The following IKBKE variants were observed in gnomAD, a reference collection of about 807,000 sequenced individuals.
IKBKE encodes the protein inhibitor of nuclear factor kappa B kinase subunit epsilon.
In IKBKE, 45 loss-of-function variants were observed where a neutral mutation model predicts 92.1. That is an observed-to-expected ratio of 0.49 (90% CI 0.38 to 0.63). IKBKE has a LOEUF of 0.63. Among genes scored for constraint, IKBKE ranks in the 20% least tolerant of loss-of-function variants. IKBKE has a pLI of 0.00. For missense variants in IKBKE, 700 were observed against 932.8 expected (o/e 0.75, Z 3.25); for synonymous variants, 374 against 380.3 (o/e 0.98, Z 0.19).
At position 206,476,891 on chromosome 1, in the gene IKBKE, T is replaced by C. The variant is rs542030758; in HGVS notation, c.701+53T>C. 2 of 1,594,346 alleles carry C rather than the reference T, an allele frequency of 1.3e-6. No individual in the cohort carries two copies. Among genetic ancestry groups the C allele is most frequent in the East Asian group, 2.2e-5 (1 of 44,618 alleles). ...GGGCGGACTGGCAGTCCCCTGGCCC[T>C]TCCCCCACCGGTCCTTGCTGTGTCT... is the stretch of plus-strand genomic sequence containing the variant. On this transcript the variant is annotated intron_variant, in intron 7 of 21. Coordinates refer to ENST00000581977, the MANE Select transcript of IKBKE (RefSeq NM_014002.4). The surrounding 1 kb of genome is among the most constrained non-coding windows in gnomAD (Gnocchi z 5.1).
At chr1:206,489,284 C>CAT (rs1377125605) in intron 16 of IKBKE, among the ~76,000 whole-genome samples, 6 of 146,756 alleles carry the variant, frequency 4.1e-5, no homozygotes, top group African/African-American at 1.5e-4. Flanking sequence ...ATATTATTCA[C>CAT]ATATATATAA....
intron 7 of IKBKE, 67 bp from the exon 8 acceptor site, chr1:206,477,682 C>A: frequency 2.1e-6 from 2 of 945,440 alleles, no homozygotes; most frequent in Non-Finnish European, 3.3e-6. Flanking sequence ...GCCCTTTGTG[C>A]TGAGTGTGTC....
chr1:206,474,522 C>A (rs781930195), intron 4 of IKBKE, 51 bp downstream of exon 4: 44 of 1,538,264 alleles, frequency 2.9e-5, no homozygotes, highest in Non-Finnish European at 3.6e-5. Context: ...CCCTTATGGT[C>A]TGGGGAGAAT....
intron 13 of IKBKE, among the ~76,000 whole-genome samples, chr1:206,481,969 C>T (rs1027273601): frequency 6.6e-6 from 1 of 151,496 alleles, no homozygotes; most frequent in Non-Finnish European, 1.5e-5. Context: ...TTAGTAGAGA[C>T]GGGGTTTCAC....
At chr1:206,477,584 G>A (rs1665137703) in intron 7 of IKBKE, among the ~76,000 whole-genome samples, 165 bp from the exon 8 acceptor site, 1 of 152,210 alleles carries the variant, frequency 6.6e-6, no homozygotes, top group Non-Finnish European at 1.5e-5. Flanking sequence ...GCTGAGGCAA[G>A]GCGCTCTCAC....
intron 13 of IKBKE, among the ~76,000 whole-genome samples, chr1:206,484,733 C>T (rs1230412451): frequency 6.6e-6 from 1 of 152,180 alleles, no homozygotes; most frequent in Non-Finnish European, 1.5e-5. Context: ...GCATCATGGG[C>T]CCGTGAATTT....
chr1:206,481,096 A>G (rs1665361446), intron 13 of IKBKE, among the ~76,000 whole-genome samples: 1 of 152,152 alleles, frequency 6.6e-6, no homozygotes, highest in Admixed American at 6.5e-5. Flanking sequence ...AAAGAGAGAG[A>G]CCGGGCAGGA....
chr1:206,475,602 T>C (rs1553385045), intron 5 of IKBKE, among the ~76,000 whole-genome samples: 1 of 152,028 alleles, frequency 6.6e-6, no homozygotes, highest in African/African-American at 2.4e-5. Context: ...CTGGGTGTGG[T>C]GGTGCATGCC....
chr1:206,471,756 GTTGACCACCGATCTC>G (rs1305369225), intron 2 of IKBKE, among the ~76,000 whole-genome samples: 1 of 152,184 alleles, frequency 6.6e-6, no homozygotes, highest in Non-Finnish European at 1.5e-5. Flanking sequence ...GAAACTAGGA[GTTGACCACCGATCTC>G]TTCAAGGGGC....
chr1:206,482,482 C>T (rs1665457630), intron 13 of IKBKE, among the ~76,000 whole-genome samples: 1 of 152,220 alleles, frequency 6.6e-6, no homozygotes, highest in Non-Finnish European at 1.5e-5. Context: ...ATCCTGGTGT[C>T]CGCTGGCTGC....
In IKBKE at chr1:206,490,488, G is replaced by C. The variant is rs972002634; in HGVS notation, c.1694-331G>C. Among the ~76,000 whole-genome samples, 1 of 152,168 alleles carries C rather than the reference G, an allele frequency of 6.6e-6. No individual in the cohort carries two copies. The highest frequency in any genetic ancestry group is 1.9e-4 in the East Asian group (1 of 5,192). On this transcript the variant is annotated intron_variant, in intron 16 of 21. Transcript: ENST00000581977. This position sits in a 1 kb window ranked among gnomAD's most constrained non-coding sequence, Gnocchi z 5.2. ...GGAGGGTGCTGGATAAGGGGCTATGGTTGACCGAGCCTCCTTCTAAGCCCA... is the reference window on the plus strand; with the variant it reads ...GGAGGGTGCTGGATAAGGGGCTATGCTTGACCGAGCCTCCTTCTAAGCCCA...
intron 20 of IKBKE, 136 bp from the exon 21 acceptor site, chr1:206,493,784 G>A (rs928844159): frequency 1.1e-5 from 7 of 648,316 alleles, no homozygotes; most frequent in Middle Eastern, 3.5e-4. Context: ...GCAAGACTCC[G>A]TCTCAAATAA....
At position 206,476,819 on chromosome 1, in the gene IKBKE, C is replaced by T. The variant is rs1665090142; in HGVS notation, c.682C>T (p.Arg228Trp). ...GCCCTTCATCCCCTTTGGTGGGCCA[C>T]GGCGGAACAAGGAGATCATGTACGG... ...SLPFIPFGGP[R>W]RNKEIMYRIT... is the part of the protein sequence containing the mutation. Residue 228 changes from arginine (R) to tryptophan (W), a missense_variant, in exon 7 of 22, where the codon CGG (arginine) becomes TGG (tryptophan). Coordinates refer to ENST00000581977, the MANE Select transcript of IKBKE (RefSeq NM_014002.4). The surrounding 1 kb of genome is among the most constrained non-coding windows in gnomAD (Gnocchi z 5.1). 1.2e-6 allele frequency: 2 copies of T among 1,614,238 alleles called. No homozygotes were observed. The highest frequency in any genetic ancestry group is 1.7e-6 in the Non-Finnish European group (2 of 1,180,046).
chr1:206,482,568 G>A (rs782644318), intron 13 of IKBKE, among the ~76,000 whole-genome samples: 9 of 152,224 alleles, frequency 5.9e-5, no homozygotes, highest in Non-Finnish European at 1.2e-4. Flanking sequence ...GGTCAGGCAA[G>A]TGCCTGCTTT....
rs1210947605 is a variant in IKBKE at position 206,474,964 on chromosome 1, G to A, written c.328G>A (p.Asp110Asn). ...TGAGAATGCCTTTGGGCTGCCTGAG[G>A]ATGAGTTCCTGGTGGTGCTGCGCTG... ...SPENAFGLPEDEFLVVLRCVV... is the reference protein window; with the variant it reads ...SPENAFGLPENEFLVVLRCVV... The change falls in exon 5 of 22, where the codon GAT (aspartate) becomes AAT (asparagine). Residue 110 changes from aspartate to asparagine, a missense_variant. Physicochemically the swap from Asp to Asn is conservative, Grantham distance 23 (BLOSUM62 1). Transcript: ENST00000581977. The A allele has an allele frequency of 6.2e-7, 1 of 1,613,988 alleles. No homozygotes were observed. The highest frequency in any genetic ancestry group is 1.3e-5 in the African/African-American group (1 of 74,908).
intron 2 of IKBKE, among the ~76,000 whole-genome samples, chr1:206,472,179 G>T (rs1487498986): frequency 6.6e-6 from 1 of 152,094 alleles, no homozygotes; most frequent in East Asian, 1.9e-4. Context: ...TGAGCCCAGG[G>T]GGTGGAGGTT....
At position 206,487,599 on chromosome 1, in the gene IKBKE, C is replaced by A. The variant is rs1312969601; in HGVS notation, c.1617-315C>A. Among the ~76,000 whole-genome samples the A allele has an allele frequency of 6.6e-6, 1 of 152,166 alleles. No individual in the cohort carries two copies. The highest frequency in any genetic ancestry group is 1.5e-5 in the Non-Finnish European group (1 of 68,034). On this transcript the variant is annotated intron_variant, in intron 15 of 21. Coordinates refer to ENST00000581977, the MANE Select transcript of IKBKE (RefSeq NM_014002.4). The surrounding 1 kb of genome is among the most constrained non-coding windows in gnomAD (Gnocchi z 5.3). ...CCCAGGGCCTAGTCTCACAACTTCT[C>A]AGGTAGTAAAGGCCACGTTCCTGTT...
intron 13 of IKBKE, among the ~76,000 whole-genome samples, chr1:206,482,187 G>C (rs868940437): frequency 1.3e-5 from 2 of 152,284 alleles, no homozygotes; most frequent in Middle Eastern, 3.4e-3. Context: ...GGGGATGCTG[G>C]GGAGGCTTAC....
chr1:206,493,857 G>A (rs1558486305), intron 20 of IKBKE, 63 bp from the exon 21 acceptor site: 8 of 1,381,436 alleles, frequency 5.8e-6, no homozygotes, highest in Middle Eastern at 1.8e-4. Flanking sequence ...GGCCTCCCAG[G>A]AAAAGGGTCT....
Sources: allele counts gnomAD v4.1 joint callset (sites outside exome capture counted in the v4.1 genomes callset), GRCh38; gene constraint gnomAD v4.1.1; non-coding constraint Gnocchi (gnomAD v3.1); transcripts MANE v1.5; gene names NCBI Gene and HGNC (gene_info 2026-07-23, HGNC 2026-07-21).